The following FRMPD2 variants were observed in gnomAD, a reference collection of about 807,000 sequenced individuals.
FRMPD2 encodes the protein FERM and PDZ domain containing 2.
A neutral mutation model predicts 140.1 loss-of-function variants in FRMPD2; 96 were observed. The observed-to-expected ratio is 0.69, with a 90% CI of 0.58 to 0.81. FRMPD2 has a LOEUF of 0.81. Among genes scored for constraint, FRMPD2 ranks in the 40% least tolerant of loss-of-function variants. The probability of loss-of-function intolerance (pLI) is 0.00; values close to 1 mark genes in which losing one functional copy is unlikely to be tolerated. For missense variants in FRMPD2, 1,240 were observed against 1,447.4 expected (o/e 0.86, Z 2.32); for synonymous variants, 449 against 547.6 (o/e 0.82, Z 2.52).
At chr10:48,230,390 A>G (rs1397061903) in intron 10 of FRMPD2, among the ~76,000 whole-genome samples, 1 of 152,240 alleles carries the variant, frequency 6.6e-6, no homozygotes, top group Non-Finnish European at 1.5e-5. Flanking sequence ...GAAAATGCAC[A>G]TAAAGTTACT....
Position 48,212,194 on chromosome 10 carries a change from A to C in FRMPD2, c.1456-85T>G, listed in dbSNP as rs77052446. The C allele has an allele frequency of 4.4e-3, 6,120 of 1,379,796 alleles. 58 individuals carry two copies. Among genetic ancestry groups the C allele is most frequent in the South Asian group, 0.024 (1,788 of 75,696 alleles). The allele number at this position is 1,379,796 out of a possible 1,614,324, so 85.5% of individuals were successfully genotyped here. On this transcript the variant is annotated intron_variant, in intron 12 of 28. Transcript: ENST00000374201. ...AGGAATGAAAACATTATCTGTAGTC[A>C]CAATTCCAGGAGGGCGCCAGAGAAA...
Position 48,230,183 on chromosome 10 carries a change from T to G in FRMPD2, c.1168+1932A>C, listed in dbSNP as rs139039545. On this transcript the variant is annotated intron_variant, in intron 10 of 28. Coordinates refer to ENST00000374201, the MANE Select transcript of FRMPD2 (RefSeq NM_001018071.4). ...TTTACAACAATATAATAAAGTATAC[T>G]CTTGTGAACAAAATTAAAATATTTG... Among the ~76,000 whole-genome samples the G allele has an allele frequency of 2.2e-3, 342 of 152,340 alleles. 1 individual carries two copies. Among genetic ancestry groups the G allele is most frequent in the African/African-American group, 8.0e-3 (332 of 41,588 alleles).
rs778648914 is a variant in FRMPD2, at chr10:48,192,692, G to A, written c.2157C>T (p.Ile719=). 1.5e-5 allele frequency: 24 copies of A among 1,613,810 alleles called. No individual in the cohort carries two copies. Among genetic ancestry groups the A allele is most frequent in the Admixed American group, 8.3e-5 (5 of 60,002 alleles). Residue 719 remains isoleucine, a synonymous_variant, in exon 16 of 29, where the codon ATC becomes ATT. Coordinates refer to ENST00000374201, the MANE Select transcript of FRMPD2 (RefSeq NM_001018071.4). ...DGSKEAGAEG[I]GRSPCTGREQ... is the part of the protein sequence containing the mutation. ...AAATGTGTCACACCCACCTGCGCCCGATGCCTTCTGCTCCAGCCTCCTTGC... is the reference window on the plus strand; with the variant it reads ...AAATGTGTCACACCCACCTGCGCCCAATGCCTTCTGCTCCAGCCTCCTTGC...
chr10:48,174,697 A>G (rs1415703788), intron 24 of FRMPD2, among the ~76,000 whole-genome samples, 173 bp downstream of exon 24: 2 of 151,598 alleles, frequency 1.3e-5, no homozygotes, highest in African/African-American at 2.4e-5. Context: ...CCTGGGTTTC[A>G]CATCCCCATA....
rs541937466 is a variant in FRMPD2 at position 48,222,413 on chromosome 10, C to T, written c.1355G>A (p.Arg452Gln). The T allele has an allele frequency of 1.7e-5, 27 of 1,614,088 alleles. No individual in the cohort carries two copies. Among genetic ancestry groups the T allele is most frequent in the East Asian group, 8.9e-5 (4 of 44,866 alleles). The change falls in exon 12 of 29, where the codon CGG becomes CAG. Residue 452 changes from arginine to glutamine, a missense_variant. This residue lies in a region of FRMPD2 where 1,161 missense variants were observed against 1,055.9 expected (regional missense o/e 1.10). Coordinates refer to ENST00000374201, the MANE Select transcript of FRMPD2 (RefSeq NM_001018071.4). The part of the protein sequence containing the change: ...LTRHQFYLQL[R>Q]KDILEERLYC... ...CAGCCTCTCCTCCAGGATATCTTTCCGAAGCTGCAGGTAAAACTGGTGCCT... is the reference window on the plus strand; with the variant it reads ...CAGCCTCTCCTCCAGGATATCTTTCTGAAGCTGCAGGTAAAACTGGTGCCT...
intron 2 of FRMPD2, among the ~76,000 whole-genome samples, chr10:48,250,976 T>G (rs1840365835): frequency 6.7e-6 from 1 of 150,290 alleles, no homozygotes; most frequent in Admixed American, 6.6e-5. Flanking sequence ...TTTTTTTTTG[T>G]ATTTTTAATA....
intron 15 of FRMPD2, among the ~76,000 whole-genome samples, chr10:48,196,665 C>T (rs924880723): frequency 2.0e-5 from 3 of 152,164 alleles, no homozygotes; most frequent in African/African-American, 2.4e-5. Context: ...GTGGGACCAT[C>T]AGCTGGAGGC....
Position 48,213,369 on chromosome 10 carries a change from G to C in FRMPD2, c.1456-1260C>G, listed in dbSNP as rs531132355. Among the ~76,000 whole-genome samples, 5 of 152,352 alleles carry C rather than the reference G, an allele frequency of 3.3e-5. 1 individual carries two copies. The South Asian group carries it at 1.0e-3, about 32-fold the overall frequency. On this transcript the variant is annotated intron_variant, in intron 12 of 28. Transcript: ENST00000374201. ...TGTGGAACAACAGGAACTCTCAGTC[G>C]TTGCTGGTGGGATTGCAAAATGGTA...
rs909207183 is a variant in FRMPD2 at position 48,251,549 on chromosome 10, C to T, written c.151+17G>A. 9 of 1,612,132 alleles carry T rather than the reference C, an allele frequency of 5.6e-6. No individual in the cohort carries two copies. The Admixed American group carries it at 1.2e-4, about 21-fold the overall frequency. On this transcript the variant is annotated intron_variant, in intron 2 of 28. Transcript: ENST00000374201. ...TACAACTCCCTGTGATTTGACTGCC[C>T]CCAAACACTCTCTTACCGTTGCGGA...
intron 12 of FRMPD2, among the ~76,000 whole-genome samples, chr10:48,212,342 C>T (rs1228675615): frequency 6.6e-6 from 1 of 152,090 alleles, no homozygotes; most frequent in African/African-American, 2.4e-5. Flanking sequence ...CTTTTTATGC[C>T]AGGTAGTTCA....
chr10:48,244,438 GT>G (rs2131954180), intron 4 of FRMPD2, among the ~76,000 whole-genome samples: 1 of 152,334 alleles, frequency 6.6e-6, no homozygotes, highest in Admixed American at 6.5e-5. Context: ...TTTGGGAAGG[GT>G]TGTTTTAAAG....
At chr10:48,162,686 A>G (rs1397252838) in intron 28 of FRMPD2, among the ~76,000 whole-genome samples, 1 of 146,664 alleles carries the variant, frequency 6.8e-6, no homozygotes, top group African/African-American at 2.6e-5. Flanking sequence ...TGAGAATCGG[A>G]AATACTTACA....
chr10:48,217,099 G>A (rs1839468113), intron 12 of FRMPD2, among the ~76,000 whole-genome samples: 1 of 152,156 alleles, frequency 6.6e-6, no homozygotes, highest in African/African-American at 2.4e-5. Flanking sequence ...CCAGGAGAGG[G>A]GACAGAGGGG....
intron 4 of FRMPD2, among the ~76,000 whole-genome samples, chr10:48,244,264 C>T (rs1246692271): frequency 6.6e-6 from 1 of 152,210 alleles, no homozygotes; most frequent in Non-Finnish European, 1.5e-5. Flanking sequence ...GGACTATAGG[C>T]GTGAGCCACC....
At chr10:48,210,162 T>C (rs1839286528) in intron 13 of FRMPD2, among the ~76,000 whole-genome samples, 2 of 152,298 alleles carry the variant, frequency 1.3e-5, no homozygotes, top group South Asian at 4.1e-4. Context: ...CTCATCCTAA[T>C]GAGAGGCTCC....
chr10:48,249,074 C>T lies in FRMPD2; in HGVS notation c.256G>A (p.Ala86Thr), dbSNP rs376787542. Residue 86 changes from alanine (A) to threonine (T), a missense_variant, in exon 3 of 29, where the codon GCC (alanine) becomes ACC (threonine). Physicochemically the swap from Ala to Thr is moderately conservative, Grantham distance 58. This residue lies in a region of FRMPD2 where 1,161 missense variants were observed against 1,055.9 expected (regional missense o/e 1.10). Transcript: ENST00000374201. ...VSHIEAAPFK[A>T]PELLQGQSED... ...CTCTGTCCCTGTAGCAGTTCAGGGG[C>T]CTTGAAAGGAGCAGCCTCTATATGA... The T allele has an allele frequency of 3.7e-5, 59 of 1,613,896 alleles. No individual in the cohort carries two copies. Among genetic ancestry groups the T allele is most frequent in the Middle Eastern group, 1.7e-4 (1 of 5,878 alleles).
chr10:48,188,955 G>A (rs1254376806), intron 16 of FRMPD2, among the ~76,000 whole-genome samples: 1 of 152,170 alleles, frequency 6.6e-6, no homozygotes, highest in African/African-American at 2.4e-5. Context: ...GAGTTGTGTC[G>A]AATGGGTGCA....
intron 13 of FRMPD2, 32 bp from the exon 14 acceptor site, chr10:48,206,965 C>G (rs1316283625): frequency 3.7e-6 from 6 of 1,604,318 alleles, no homozygotes; most frequent in Non-Finnish European, 5.1e-6. Flanking sequence ...TTAGAAGAGA[C>G]AGGCACATGG....
intron 15 of FRMPD2, among the ~76,000 whole-genome samples, chr10:48,199,125 C>G (rs965573517): frequency 1.4e-4 from 21 of 152,104 alleles, no homozygotes; most frequent in African/African-American, 4.8e-4. Context: ...AGAAAACTAC[C>G]TATCAGGTAC....
Sources: allele counts gnomAD v4.1 joint callset (sites outside exome capture counted in the v4.1 genomes callset), GRCh38; gene constraint gnomAD v4.1.1; regional missense constraint gnomAD v4.1.1; transcripts MANE v1.5; gene names NCBI Gene and HGNC (gene_info 2026-07-23, HGNC 2026-07-21).